Variants in IQCH observed in about 807,000 individuals in gnomAD.
The protein encoded by IQCH is IQ domain-containing protein H.
A neutral mutation model predicts 117.0 loss-of-function variants in IQCH; 98 were observed. The observed-to-expected ratio is 0.84, with a 90% CI of 0.71 to 0.99. The LOEUF (loss-of-function observed/expected upper bound fraction) is 0.99. IQCH is among the 50% of genes least tolerant of loss of function. The pLI, the probability that IQCH is intolerant of heterozygous loss-of-function variation, is 0.00. For synonymous variants in IQCH, 412 were observed against 448.2 expected (o/e 0.92, Z 1.02); for missense variants, 1,102 against 1,243.8 (o/e 0.89, Z 1.72).
intron 2 of IQCH, 24 bp downstream of exon 2, chr15:67,261,418 A>C (rs775938343): frequency 4.5e-6 from 7 of 1,562,008 alleles, no homozygotes; most frequent in Non-Finnish European, 4.3e-6. Flanking sequence ...TAGATATTAA[A>C]ATACTGGAAG....
At chr15:67,303,908 C>T in intron 4 of IQCH, among the ~76,000 whole-genome samples, 1 of 152,110 alleles carries the variant, frequency 6.6e-6, no homozygotes, top group Non-Finnish European at 1.5e-5. Flanking sequence ...CTGAGATTTA[C>T]CTGTAAATGT....
intron 10 of IQCH, among the ~76,000 whole-genome samples, chr15:67,375,392 T>C (rs904580635): frequency 6.6e-6 from 1 of 152,124 alleles, no homozygotes; most frequent in Admixed American, 6.6e-5. Context: ...TCCCACTGCA[T>C]TCCAGCCTGG....
chr15:67,421,027 A>G lies in IQCH; in HGVS notation c.2219-264A>G, dbSNP rs370320019. On this transcript the variant is annotated intron_variant, in intron 15 of 20. Transcript: ENST00000335894. ...ATCCTCACAGTGTCTTCAAATTATA[A>G]TCAGAATCAAAATTACCATTCATTG... Among the ~76,000 whole-genome samples, 63 of 152,352 alleles carry G rather than the reference A, an allele frequency of 4.1e-4. 1 individual carries two copies. The East Asian group carries it at 8.9e-3, about 21-fold the overall frequency.
chr15:67,416,000 C>T (rs2081566898), intron 14 of IQCH, among the ~76,000 whole-genome samples: 1 of 152,080 alleles, frequency 6.6e-6, no homozygotes, highest in African/African-American at 2.4e-5. Context: ...GAGACTGAGG[C>T]TGCAGTGAGC....
In IQCH at chr15:67,364,369, A is replaced by C. The variant is rs1298870843; in HGVS notation, c.753+4484A>C. Among the ~76,000 whole-genome samples the C allele has an allele frequency of 6.6e-6, 1 of 152,170 alleles. No individual in the cohort carries two copies. Among genetic ancestry groups the C allele is most frequent in the Non-Finnish European group, 1.5e-5 (1 of 68,036 alleles). ...CCATCCTCACCTATGCGTTTTCATC[A>C]TTAAACTTTCCAAATGAATTGAAAT... is the stretch of plus-strand genomic sequence containing the variant. On this transcript the variant is annotated intron_variant, in intron 8 of 20. Transcript: ENST00000335894. This position sits in a 1 kb window ranked among gnomAD's most constrained non-coding sequence, Gnocchi z 4.1.
At chr15:67,444,821 C>T (rs766149240) in intron 16 of IQCH, among the ~76,000 whole-genome samples, 2 of 152,100 alleles carry the variant, frequency 1.3e-5, no homozygotes, top group Non-Finnish European at 2.9e-5. Context: ...CACAAAATTT[C>T]AAACTTTTTT....
At chr15:67,255,729 G>A (rs1448181507) in intron 1 of IQCH, among the ~76,000 whole-genome samples, 2 of 152,302 alleles carry the variant, frequency 1.3e-5, no homozygotes, top group Non-Finnish European at 2.9e-5. Context: ...TCTGAAGTGG[G>A]TCTTACTCGT....
In IQCH at chr15:67,453,634, T is replaced by C. The variant is rs2082587359; in HGVS notation, c.2506-11493T>C. 1.3e-5 allele frequency among the ~76,000 whole-genome samples: 2 copies of C among 152,200 alleles called. No individual in the cohort carries two copies. The highest frequency in any genetic ancestry group is 4.1e-4 in the South Asian group (2 of 4,830). ...GCCATGTAAGGTGTCAGTCCGCCCCTACTGGGGGGTGCCTCCCAGTTAGGC... is the reference window on the plus strand; with the variant it reads ...GCCATGTAAGGTGTCAGTCCGCCCCCACTGGGGGGTGCCTCCCAGTTAGGC... On this transcript the variant is annotated intron_variant, in intron 16 of 20. Coordinates refer to ENST00000335894, the MANE Select transcript of IQCH (RefSeq NM_001031715.3). The surrounding 1 kb of genome is among the most constrained non-coding windows in gnomAD (Gnocchi z 5.8).
rs547139036 is a variant in IQCH, at chr15:67,369,690, A to G, written c.754-2421A>G. 6.6e-6 allele frequency among the ~76,000 whole-genome samples: 1 copy of G among 152,348 alleles called. No individual in the cohort carries two copies. The highest frequency in any genetic ancestry group is 1.9e-4 in the East Asian group (1 of 5,188). On this transcript the variant is annotated intron_variant, in intron 8 of 20. Transcript: ENST00000335894. This position sits in a 1 kb window ranked among gnomAD's most constrained non-coding sequence, Gnocchi z 5.2. ...AACAGAATGAGCCAGAACCTGAAGCATGGCATGACCTTTAATCAGGGCTCT... is the reference window on the plus strand; with the variant it reads ...AACAGAATGAGCCAGAACCTGAAGCGTGGCATGACCTTTAATCAGGGCTCT...
intron 12 of IQCH, among the ~76,000 whole-genome samples, chr15:67,392,828 G>A (rs912633106): frequency 1.3e-5 from 2 of 149,978 alleles, no homozygotes; most frequent in Non-Finnish European, 3.0e-5. Context: ...GGTAGAAAAG[G>A]CATATCGCAT....
rs2083647630 is a variant in IQCH at position 67,491,304 on chromosome 15, C to T, written c.2861+1240C>T. Among the ~76,000 whole-genome samples, 1 of 152,152 alleles carries T rather than the reference C, an allele frequency of 6.6e-6. No individual in the cohort carries two copies. The highest frequency in any genetic ancestry group is 2.1e-4 in the South Asian group (1 of 4,820). Reference sequence around the variant, plus strand: ...TAGGACAGGCCTCAACTTCCCTATCCAAAGCATAGTCCTTTGTTCTACCAA... The same window carrying T: ...TAGGACAGGCCTCAACTTCCCTATCTAAAGCATAGTCCTTTGTTCTACCAA... On this transcript the variant is annotated intron_variant, in intron 19 of 20. Transcript: ENST00000335894. This position sits in a 1 kb window ranked among gnomAD's most constrained non-coding sequence, Gnocchi z 4.9.
At chr15:67,429,761 G>A (rs1425128572) in intron 16 of IQCH, among the ~76,000 whole-genome samples, 4 of 152,162 alleles carry the variant, frequency 2.6e-5, no homozygotes, top group Non-Finnish European at 5.9e-5. Flanking sequence ...TGACGCAGGA[G>A]GGGCAAAGGG....
rs138317860 is a variant in IQCH, at chr15:67,384,317, C to T, written c.1373-619C>T. 3.6e-4 allele frequency among the ~76,000 whole-genome samples: 54 copies of T among 152,092 alleles called. No individual in the cohort carries two copies. Among genetic ancestry groups the T allele is most frequent in the African/African-American group, 1.2e-3 (51 of 41,482 alleles). On this transcript the variant is annotated intron_variant, in intron 10 of 20. Coordinates refer to ENST00000335894, the MANE Select transcript of IQCH (RefSeq NM_001031715.3). This position sits in a 1 kb window ranked among gnomAD's most constrained non-coding sequence, Gnocchi z 4.3. ...GACAATAGTAATTCATATGTGTTTTCCCTTCTGCTACGTTTCCAGTGGAAA... is the reference window on the plus strand; with the variant it reads ...GACAATAGTAATTCATATGTGTTTTTCCTTCTGCTACGTTTCCAGTGGAAA...
chr15:67,292,604 A>G (rs907073245), intron 4 of IQCH, among the ~76,000 whole-genome samples: 1 of 152,044 alleles, frequency 6.6e-6, no homozygotes, highest in Admixed American at 6.6e-5. Context: ...AACATAAATA[A>G]CCACTTCTCC....
Position 67,400,289 on chromosome 15 carries a change from G to A in IQCH, c.2081G>A (p.Arg694Lys), listed in dbSNP as rs759546072. 1.6e-5 allele frequency: 26 copies of A among 1,613,052 alleles called. No individual in the cohort carries two copies. Among genetic ancestry groups the A allele is most frequent in the Non-Finnish European group, 2.1e-5 (25 of 1,179,194 alleles). The change falls in exon 14 of 21, where the codon AGA (arginine) becomes AAA (lysine). Residue 694 changes from arginine to lysine, a missense_variant. Physicochemically the swap from Arg to Lys is conservative, Grantham distance 26. Around this residue, in one of 2 missense-constraint regions of IQCH, gnomAD observed 650 missense variants for 794.3 expected, o/e 0.82. Transcript: ENST00000335894. ...ESSRYGLEDW[R>K]KKWAQEPALV... ...AGCAGATATGGCCTTGAAGACTGGA[G>A]AAAGAAATGGGCACAAGTGAGTATT...
chr15:67,419,371 C>A (rs967798567), intron 15 of IQCH, among the ~76,000 whole-genome samples: 1 of 152,140 alleles, frequency 6.6e-6, no homozygotes, highest in Non-Finnish European at 1.5e-5. Context: ...TCAATGGTCC[C>A]TAACTGAGCC....
In IQCH at chr15:67,428,499, T is replaced by C. The variant is rs74844560; in HGVS notation, c.2505+6922T>C. On this transcript the variant is annotated intron_variant, in intron 16 of 20. Transcript: ENST00000335894. The stretch of plus-strand genomic sequence containing the variant: ...ATGTGATTAAGTTAAGGATCTTGAG[T>C]TGGGAAGAGTAGCTTGCATTATCCA... Among the ~76,000 whole-genome samples the C allele has an allele frequency of 3.5e-3, 526 of 152,132 alleles. 17 individuals carry two copies. The East Asian group carries it at 0.077, about 22-fold the overall frequency.
Position 67,390,239 on chromosome 15 carries a change from G to A in IQCH, c.1632+1233G>A, listed in dbSNP as rs1460481298. Among the ~76,000 whole-genome samples the A allele has an allele frequency of 6.6e-6, 1 of 152,042 alleles. No homozygotes were observed. The highest frequency in any genetic ancestry group is 2.4e-5 in the African/African-American group (1 of 41,396). ...TTTGGTGCTTCCTAGTTATTGCTTG[G>A]CCTCAATGACATAGTTACTATGGAC... On this transcript the variant is annotated intron_variant, in intron 12 of 20. Transcript: ENST00000335894. This position sits in a 1 kb window ranked among gnomAD's most constrained non-coding sequence, Gnocchi z 5.0.
chr15:67,344,276 T>C (rs1050854399), intron 6 of IQCH, 85 bp downstream of exon 6: 13 of 1,277,630 alleles, frequency 1.0e-5, no homozygotes, highest in African/African-American at 1.5e-5. Context: ...AGCCAACTTT[T>C]GTCCTCAATA....
Sources: allele counts gnomAD v4.1 joint callset (sites outside exome capture counted in the v4.1 genomes callset), GRCh38; gene constraint gnomAD v4.1.1; regional missense constraint gnomAD v4.1.1; non-coding constraint Gnocchi (gnomAD v3.1); transcripts MANE v1.5; gene names NCBI Gene and HGNC (gene_info 2026-07-23, HGNC 2026-07-21).